TUBGCP5: variants seen among roughly 807,000 people sequenced by gnomAD.
TUBGCP5 encodes the protein gamma-tubulin complex component 5.
Under a neutral mutation model 134.7 loss-of-function variants are expected in TUBGCP5, and 98 were observed. The observed-to-expected ratio is 0.73, with a 90% CI of 0.62 to 0.86. The LOEUF (loss-of-function observed/expected upper bound fraction) is 0.86, where lower values mean the gene tolerates loss of function less well. TUBGCP5 is among the 40% of genes least tolerant of loss of function. The pLI is 0.00. For synonymous variants in TUBGCP5, 456 were observed against 431.4 expected (o/e 1.06, Z -0.71); for missense variants, 1,150 against 1,244.8 (o/e 0.92, Z 1.15).
chr15:23,024,668 G>A, intron 9 of TUBGCP5, 69 bp downstream of exon 9: 1 of 854,800 alleles, frequency 1.2e-6, no homozygotes, highest in South Asian at 1.8e-5. Flanking sequence ...ATTGTAAAAT[G>A]TTCTAAAATT....
chr15:23,023,766 T>C, intron 10 of TUBGCP5, 181 bp downstream of exon 10: 1 of 540,984 alleles, frequency 1.8e-6, no homozygotes, highest in Non-Finnish European at 3.0e-6. Context: ...CTTCTGTAGT[T>C]TTTTGATTTT....
chr15:23,018,689 C>T (rs950134851), intron 12 of TUBGCP5, among the ~76,000 whole-genome samples: 15 of 152,028 alleles, frequency 9.9e-5, no homozygotes, highest in African/African-American at 3.6e-4. Flanking sequence ...TAAAAGAGTA[C>T]AAATAGCTCT....
At chr15:23,022,713 T>G (rs2065771952) in intron 10 of TUBGCP5, among the ~76,000 whole-genome samples, 2 of 152,244 alleles carry the variant, frequency 1.3e-5, no homozygotes, top group African/African-American at 4.8e-5. Context: ...GGTCTGCAGT[T>G]TGGCTAATGT....
rs1237602897 is a variant in TUBGCP5 at position 23,007,230 on chromosome 15, C to T, written c.2328-878G>A. 2.0e-5 allele frequency among the ~76,000 whole-genome samples: 3 copies of T among 151,954 alleles called. No homozygotes were observed. In the East Asian group the frequency reaches 5.8e-4, roughly 29 times the overall value. The stretch of plus-strand genomic sequence containing the variant: ...CATCCTGGCTAACCCAGTGAAACCC[C>T]GTCTCTATAAAAATACAAAAAATTA... On this transcript the variant is annotated intron_variant, in intron 16 of 22. Transcript: ENST00000615383.
In TUBGCP5 at chr15:23,038,679, CA is replaced by C. The variant is rs541327949; in HGVS notation, c.146+718del. ...TAAACAGGTAGAATATTAACATTAA[CA>C]TTTTTTTAGTAATAATTTCATTATG... On this transcript the variant is annotated intron_variant, in intron 1 of 22. Coordinates refer to ENST00000615383, the MANE Select transcript of TUBGCP5 (RefSeq NM_052903.6). Among the ~76,000 whole-genome samples, 513 of 152,238 alleles carry C rather than the reference CA, an allele frequency of 3.4e-3. 1 individual carries two copies. The highest frequency in any genetic ancestry group is 4.2e-3 in the Non-Finnish European group (285 of 68,022).
In TUBGCP5 at chr15:23,039,498, C is replaced by T; in HGVS notation, c.46G>A (p.Glu16Lys). 1 of 1,513,154 alleles carries T rather than the reference C, an allele frequency of 6.6e-7. No individual in the cohort carries two copies. Among genetic ancestry groups the T allele is most frequent in the Non-Finnish European group, 8.9e-7 (1 of 1,123,972 alleles). 93.7% of individuals were successfully genotyped at this position (1,513,154 alleles called of 1,614,324 possible). ...CGGACGAGCTCCCGCACGTCGCGCT[C>T]CTGCTGCGCGTCCAACCGACTCCAC... Reference protein sequence around the residue: ...PPWSRLDAQQERDVRELVRGV... With the variant: ...PPWSRLDAQQKRDVRELVRGV... The change falls in exon 1 of 23, where the codon GAG becomes AAG. Residue 16 changes from glutamate to lysine, a missense_variant. Glu to Lys is a moderately conservative substitution (Grantham distance 56). Around this residue, in one of 2 missense-constraint regions of TUBGCP5, gnomAD observed 453 missense variants for 394.7 expected, o/e 1.15. Coordinates refer to ENST00000615383, the MANE Select transcript of TUBGCP5 (RefSeq NM_052903.6).
intron 13 of TUBGCP5, among the ~76,000 whole-genome samples, chr15:23,012,281 A>G (rs2065082337): frequency 6.6e-6 from 1 of 152,182 alleles, no homozygotes; most frequent in South Asian, 2.1e-4. Context: ...AATATTCCAC[A>G]AAGTGAAAAT....
downstream of TUBGCP5, chr15:22,983,077 G>A (rs918449275): frequency 6.6e-6 from 1 of 152,102 alleles, no homozygotes; most frequent in African/African-American, 2.4e-5. Context: ...GACACAAAAA[G>A]AAGTAAAGAT....
chr15:23,035,499 T>A (rs1025107661), intron 3 of TUBGCP5, among the ~76,000 whole-genome samples: 39 of 151,962 alleles, frequency 2.6e-4, no homozygotes, highest in African/African-American at 8.0e-4. Flanking sequence ...GGCATTAGAT[T>A]GTCATAAGGA....
At chr15:23,024,641 T>A (rs1317487337) in intron 9 of TUBGCP5, 96 bp downstream of exon 9, 1 of 691,302 alleles carries the variant, frequency 1.4e-6, no homozygotes, top group Non-Finnish European at 2.3e-6. Flanking sequence ...AAGAACGAGT[T>A]CAATAGCAAT....
chr15:23,036,835 T>C (rs548351986), intron 3 of TUBGCP5, 62 bp downstream of exon 3: 1 of 1,118,678 alleles, frequency 8.9e-7, no homozygotes, highest in South Asian at 1.4e-5. Context: ...TGAAACAAAT[T>C]GACGATAATC....
chr15:23,018,088 A>G, intron 12 of TUBGCP5, 47 bp from the exon 13 acceptor site: 2 of 1,527,450 alleles, frequency 1.3e-6, no homozygotes, highest in Non-Finnish European at 8.9e-7. Context: ...TCTTTCTTAA[A>G]AACAGCATAC....
chr15:22,984,899 T>G (rs1231792518), intron 23 of TUBGCP5, among the ~76,000 whole-genome samples: 1 of 152,148 alleles, frequency 6.6e-6, no homozygotes, highest in Non-Finnish European at 1.5e-5. Flanking sequence ...GATCGAAATT[T>G]AAAACTTCTC....
downstream of TUBGCP5, among the ~76,000 whole-genome samples, chr15:22,996,489 TTTTC>T (rs1054201488): frequency 1.6e-4 from 25 of 152,112 alleles, no homozygotes; most frequent in African/African-American, 5.6e-4. Flanking sequence ...TTAATTTTTA[TTTTC>T]TTTAATTTTT....
At chr15:23,011,002 G>T in intron 14 of TUBGCP5, 131 bp downstream of exon 14, 1 of 860,178 alleles carries the variant, frequency 1.2e-6, no homozygotes, top group Non-Finnish European at 1.8e-6. Flanking sequence ...AAAAAAAAAG[G>T]AAAAAGAAAA....
chr15:23,017,004 TAAA>T (rs2065376931), intron 13 of TUBGCP5, among the ~76,000 whole-genome samples: 1 of 83,324 alleles, frequency 1.2e-5, no homozygotes, highest in Non-Finnish European at 2.5e-5. Context: ...ATCTTGAAGA[TAAA>T]AGAGTGAATC....
Position 22,987,152 on chromosome 15 carries a change from G to C in TUBGCP5, c.*62-3541C>G, listed in dbSNP as rs191052501. Among the ~76,000 whole-genome samples, 632 of 151,928 alleles carry C rather than the reference G, an allele frequency of 4.2e-3. 5 individuals carry two copies. Among genetic ancestry groups the C allele is most frequent in the Middle Eastern group, 0.021 (6 of 292 alleles). On this transcript the variant is annotated intron_variant and NMD_transcript_variant, in intron 23 of 23. Transcript: ENST00000614508. The stretch of plus-strand genomic sequence containing the variant: ...GTTCAAGACCAGCCTGACCAACATG[G>C]AGAAACCCCATCTCTACTAAAAATA...
intron 6 of TUBGCP5, among the ~76,000 whole-genome samples, chr15:23,030,665 A>G (rs1452075117): frequency 6.6e-6 from 1 of 151,942 alleles, no homozygotes; most frequent in Non-Finnish European, 1.5e-5. Flanking sequence ...TAGGAAAAAA[A>G]TTACAAAATT....
Position 23,019,354 on chromosome 15 carries a change from C to G in TUBGCP5, c.1372-20G>C. On this transcript the variant is annotated intron_variant, in intron 11 of 22. Coordinates refer to ENST00000615383, the MANE Select transcript of TUBGCP5 (RefSeq NM_052903.6). ...GGAGACCTGAGGCAGAGAGTGTGCA[C>G]GGTCAGCTCTCAGGGTTCCCTGGTC... 1 of 1,551,116 alleles carries G rather than the reference C, an allele frequency of 6.4e-7. No individual in the cohort carries two copies. The highest frequency in any genetic ancestry group is 8.9e-7 in the Non-Finnish European group (1 of 1,125,302).
Sources: gnomAD v4.1 joint callset for allele counts (sites outside exome capture counted in the v4.1 genomes callset) on GRCh38, gnomAD v4.1.1 for gene constraint, gnomAD v4.1.1 regional missense constraint, MANE v1.5 for transcripts, NCBI Gene and HGNC (gene_info 2026-07-23, HGNC 2026-07-21) for gene names.